RBM20: variants seen among roughly 807,000 people sequenced by gnomAD.
RBM20 encodes the protein RNA binding motif protein 20.
Under a neutral mutation model 110.1 loss-of-function variants are expected in RBM20, and 51 were observed. The ratio of observed to expected loss-of-function variants is 0.46; its 90% CI spans 0.37 to 0.59. RBM20 has a LOEUF of 0.59. RBM20 is among the 20% of genes least tolerant of loss of function. The probability of loss-of-function intolerance (pLI) is 0.00; values close to 1 mark genes in which losing one functional copy is unlikely to be tolerated. For synonymous variants in RBM20, 589 were observed against 618.2 expected (o/e 0.95, Z 0.70); for missense variants, 1,512 against 1,574.9 (o/e 0.96, Z 0.68).
intron 7 of RBM20, among the ~76,000 whole-genome samples, chr10:110,804,204 G>T (rs1438761382): frequency 6.6e-6 from 1 of 152,212 alleles, no homozygotes; most frequent in Non-Finnish European, 1.5e-5. Context: ...TCTGGCCAGG[G>T]CTAGGCCATG....
rs186954809 is a variant in RBM20, at chr10:110,748,099, G to A, written c.192-32702G>A. On this transcript the variant is annotated intron_variant, in intron 1 of 13. Transcript: ENST00000369519. ...AATGAAACTTTTATGAGTAAGTGGAGAAAGTAGTGTTAACTTTTTTTTTCA... is the reference window on the plus strand; with the variant it reads ...AATGAAACTTTTATGAGTAAGTGGAAAAAGTAGTGTTAACTTTTTTTTTCA... 2.6e-5 allele frequency among the ~76,000 whole-genome samples: 4 copies of A among 152,284 alleles called. No homozygotes were observed. The East Asian group carries it at 7.7e-4, about 29-fold the overall frequency.
At chr10:110,800,059 G>A (rs563283802) in intron 7 of RBM20, 141 bp downstream of exon 7, 18 of 813,314 alleles carry the variant, frequency 2.2e-5, no homozygotes, top group South Asian at 7.4e-5. Context: ...TGAGGATCTC[G>A]AGGCAAACCA....
At chr10:110,699,531 A>G (rs1862724562) in intron 1 of RBM20, among the ~76,000 whole-genome samples, 1 of 151,858 alleles carries the variant, frequency 6.6e-6, no homozygotes, top group African/African-American at 2.4e-5. Context: ...CTCAGCCACA[A>G]AAAGTGCTGA....
At chr10:110,808,205 G>C (rs1201651804) in intron 7 of RBM20, among the ~76,000 whole-genome samples, 1 of 152,236 alleles carries the variant, frequency 6.6e-6, no homozygotes, top group Non-Finnish European at 1.5e-5. Context: ...TCTACCCCAA[G>C]TGACAACCGA....
intron 1 of RBM20, among the ~76,000 whole-genome samples, chr10:110,687,995 TTG>T (rs60479740): frequency 0.21 from 30,807 of 145,132 alleles, 3,694 homozygotes; most frequent in East Asian, 0.5. Flanking sequence ...CTAAATGGTT[TTG>T]TGTGTGTGTG....
At chr10:110,698,763 T>C (rs978526727) in intron 1 of RBM20, among the ~76,000 whole-genome samples, 1 of 152,226 alleles carries the variant, frequency 6.6e-6, no homozygotes, top group Non-Finnish European at 1.5e-5. Flanking sequence ...GGCAACTCAA[T>C]TGCAAATAGC....
At chr10:110,788,400 C>T (rs1413632862) in intron 5 of RBM20, among the ~76,000 whole-genome samples, 1 of 152,224 alleles carries the variant, frequency 6.6e-6, no homozygotes, top group Non-Finnish European at 1.5e-5. Context: ...GCCTTTTCTA[C>T]AGACCCAGTG....
intron 1 of RBM20, among the ~76,000 whole-genome samples, chr10:110,660,818 T>A (rs1447046798): frequency 1.3e-5 from 2 of 152,094 alleles, no homozygotes; most frequent in African/African-American, 4.8e-5. Flanking sequence ...ACACAATAAA[T>A]GTGATATGCT....
chr10:110,775,280 A>G (rs1844246935), intron 1 of RBM20, among the ~76,000 whole-genome samples: 1 of 152,220 alleles, frequency 6.6e-6, no homozygotes, highest in African/African-American at 2.4e-5. Flanking sequence ...TGGCGCATTC[A>G]CCACTCAGCC....
intron 4 of RBM20, 145 bp downstream of exon 4, chr10:110,784,577 G>T (rs879358393): frequency 4.1e-6 from 3 of 734,952 alleles, no homozygotes; most frequent in Non-Finnish European, 7.1e-6. Flanking sequence ...ACACTAAAAT[G>T]CATTGGGCCT....
At chr10:110,810,815 G>A (rs1261761268) in intron 8 of RBM20, among the ~76,000 whole-genome samples, 9 of 144,030 alleles carry the variant, frequency 6.2e-5, no homozygotes, top group African/African-American at 1.8e-4. Flanking sequence ...GTGTGTGTGT[G>A]CGTGTGTGCG....
chr10:110,760,446 T>TTC (rs1317095223), intron 1 of RBM20, among the ~76,000 whole-genome samples: 1 of 128,728 alleles, frequency 7.8e-6, no homozygotes, highest in African/African-American at 3.0e-5. Flanking sequence ...TTTTTTTTTT[T>TTC]TTTTTTTGGA....
At position 110,716,640 on chromosome 10, in the gene RBM20, G is replaced by A. The variant is rs867298224; in HGVS notation, c.192-64161G>A. Among the ~76,000 whole-genome samples the A allele has an allele frequency of 2.8e-4, 43 of 152,224 alleles. 1 individual carries two copies. In the Middle Eastern group the frequency reaches 0.014, roughly 48 times the overall value. ...TAGAGTAAAAGAATTATGGCTGGGC[G>A]TGGTGGCTGATGCCTGTAATCCCAG... On this transcript the variant is annotated intron_variant, in intron 1 of 13. Coordinates refer to ENST00000369519, the MANE Select transcript of RBM20 (RefSeq NM_001134363.3).
chr10:110,716,769 T>G (rs573656102), intron 1 of RBM20, among the ~76,000 whole-genome samples: 1 of 151,726 alleles, frequency 6.6e-6, no homozygotes, highest in East Asian at 1.9e-4. Context: ...AAAAAAAAAT[T>G]AGCCAGGTGT....
chr10:110,695,292 A>G (rs1053076022), intron 1 of RBM20, among the ~76,000 whole-genome samples: 4 of 152,262 alleles, frequency 2.6e-5, no homozygotes, highest in Non-Finnish European at 5.9e-5. Flanking sequence ...TGCAGAGGGC[A>G]TAAATAATCT....
At chr10:110,704,654 G>A (rs1862809807) in intron 1 of RBM20, among the ~76,000 whole-genome samples, 1 of 152,188 alleles carries the variant, frequency 6.6e-6, no homozygotes, top group African/African-American at 2.4e-5. Flanking sequence ...GGATTCAGAT[G>A]GTTTGGTGAC....
chr10:110,739,846 G>C lies in RBM20; in HGVS notation c.192-40955G>C, dbSNP rs1379282646. On this transcript the variant is annotated intron_variant, in intron 1 of 13. Transcript: ENST00000369519. The surrounding 1 kb of genome is among the most constrained non-coding windows in gnomAD (Gnocchi z 4.1). The stretch of plus-strand genomic sequence containing the variant: ...TCATGAAGGCATGAGGCTTCTGTGC[G>C]ACCTGGGTGACTAACACAGCCCACA... 6.6e-6 allele frequency among the ~76,000 whole-genome samples: 1 copy of C among 152,196 alleles called. No individual in the cohort carries two copies. The highest frequency in any genetic ancestry group is 6.5e-5 in the Admixed American group (1 of 15,276).
rs781166982 is a variant in RBM20, at chr10:110,812,782, C to T, written c.2385C>T (p.His795=). ...KDEARLRESR[H]PHPDDSGKED... ...AGGCCAGGCTGCGGGAAAGCAGACACCCCCATCCGGATGACTCAGGCAAGG... is the reference window on the plus strand; with the variant it reads ...AGGCCAGGCTGCGGGAAAGCAGACATCCCCATCCGGATGACTCAGGCAAGG... The change falls in exon 9 of 14, where the codon CAC becomes CAT. Residue 795 remains histidine (H), a synonymous_variant. Transcript: ENST00000369519. The T allele has an allele frequency of 6.4e-7, 1 of 1,551,530 alleles. No homozygotes were observed. Among genetic ancestry groups the T allele is most frequent in the South Asian group, 1.2e-5 (1 of 84,048 alleles).
intron 1 of RBM20, among the ~76,000 whole-genome samples, chr10:110,744,424 G>A (rs1464767717): frequency 6.6e-6 from 1 of 152,214 alleles, no homozygotes; most frequent in Non-Finnish European, 1.5e-5. Context: ...GATGAAAGGT[G>A]AAGGTGGGTT....
Sources: gnomAD v4.1 joint callset for allele counts (sites outside exome capture counted in the v4.1 genomes callset) on GRCh38, gnomAD v4.1.1 for gene constraint, Gnocchi (gnomAD v3.1) non-coding constraint, MANE v1.5 for transcripts, NCBI Gene and HGNC (gene_info 2026-07-23, HGNC 2026-07-21) for gene names.